PRDM5: variants seen among roughly 807,000 people sequenced by gnomAD.
PRDM5 encodes the protein PR/SET domain 5.
A neutral mutation model predicts 81.2 loss-of-function variants in PRDM5; 56 were observed. The observed-to-expected ratio is 0.69, with a 90% CI of 0.56 to 0.86. The LOEUF is 0.86. PRDM5 is among the 40% of genes least tolerant of loss of function. The pLI is 0.00. For synonymous variants in PRDM5, 267 were observed against 256.4 expected, an observed-to-expected ratio of 1.04 and a Z score of -0.39; for missense variants, 697 against 770.1, an observed-to-expected ratio of 0.91 and a Z score of 1.12.
chr4:120,875,107 T>G (rs1762212204), intron 2 of PRDM5, among the ~76,000 whole-genome samples: 1 of 152,224 alleles, frequency 6.6e-6, no homozygotes, highest in African/African-American at 2.4e-5. Flanking sequence ...TGGCCCTCCC[T>G]GATGAACTGG....
At chr4:120,775,743 T>C (rs1196896276) in intron 13 of PRDM5, among the ~76,000 whole-genome samples, 2 of 152,184 alleles carry the variant, frequency 1.3e-5, no homozygotes, top group African/African-American at 2.4e-5. Context: ...AGTCTAAGTA[T>C]GGCACAAAGA....
At chr4:120,875,259 T>A (rs1274562171) in intron 2 of PRDM5, among the ~76,000 whole-genome samples, 1 of 152,196 alleles carries the variant, frequency 6.6e-6, no homozygotes, top group Non-Finnish European at 1.5e-5. Flanking sequence ...CAAATACAGA[T>A]TAAAACAAAG....
At chr4:120,834,689 G>C (rs909043786) in intron 3 of PRDM5, among the ~76,000 whole-genome samples, 1 of 152,140 alleles carries the variant, frequency 6.6e-6, no homozygotes, top group African/African-American at 2.4e-5. Context: ...TATATCAGTA[G>C]AGTAGACTCA....
chr4:120,913,544 G>T (rs921251882), intron 1 of PRDM5, among the ~76,000 whole-genome samples: 1 of 152,166 alleles, frequency 6.6e-6, no homozygotes, highest in African/African-American at 2.4e-5. Context: ...AATACAAAAC[G>T]GAAATGCAGA....
chr4:120,735,048 A>C (rs1437061275), intron 14 of PRDM5, among the ~76,000 whole-genome samples: 1 of 152,210 alleles, frequency 6.6e-6, no homozygotes, highest in Non-Finnish European at 1.5e-5. Context: ...AAAGAGTTAC[A>C]ATTAGAAACA....
At position 120,754,629 on chromosome 4, in the gene PRDM5, G is replaced by A; in HGVS notation, c.1547C>T (p.Pro516Leu). ...VHIRSHTGER[P>L]YQCPYCEKGF... ...TTTTTCACAGTAAGGACATTGATAG[G>A]GACGCTCACCTACAAATAAAGGAAG... is the stretch of plus-strand genomic sequence containing the variant. Residue 516 changes from proline (P) to leucine (L), a missense_variant, in exon 14 of 16, where the codon CCC becomes CTC. Coordinates refer to ENST00000264808, the MANE Select transcript of PRDM5 (RefSeq NM_018699.4). 1 of 1,595,782 alleles carries A rather than the reference G, an allele frequency of 6.3e-7. No homozygotes were observed. Among genetic ancestry groups the A allele is most frequent in the Non-Finnish European group, 8.6e-7 (1 of 1,163,982 alleles).
chr4:120,737,539 T>C (rs1712212490), intron 14 of PRDM5, among the ~76,000 whole-genome samples: 1 of 152,182 alleles, frequency 6.6e-6, no homozygotes, highest in Non-Finnish European at 1.5e-5. Context: ...TTACTTAAAA[T>C]AATGTCCTTA....
chr4:120,884,446 T>A (rs1763185560), intron 2 of PRDM5, among the ~76,000 whole-genome samples: 2 of 152,122 alleles, frequency 1.3e-5, no homozygotes, highest in Non-Finnish European at 2.9e-5. Flanking sequence ...TTATAGTTCC[T>A]ACAACTAAAA....
intron 8 of PRDM5, among the ~76,000 whole-genome samples, chr4:120,801,520 A>C (rs905621141): frequency 6.6e-5 from 10 of 152,376 alleles, no homozygotes; most frequent in African/African-American, 2.4e-4. Context: ...TATGTAAAGC[A>C]GGGAAAAAGT....
chr4:120,814,897 T>C (rs1754290010), intron 7 of PRDM5, among the ~76,000 whole-genome samples: 1 of 152,192 alleles, frequency 6.6e-6, no homozygotes, highest in African/African-American at 2.4e-5. Flanking sequence ...AAAAAATATA[T>C]ATAAAACAAG....
rs202136445 is a variant in PRDM5, at chr4:120,900,838, T to G, written c.177+6636A>C. Among the ~76,000 whole-genome samples the G allele has an allele frequency of 3.1e-4, 47 of 152,332 alleles. No homozygotes were observed. The East Asian group carries it at 5.8e-3, about 19-fold the overall frequency. ...GGTATTTATTGCTTAAAAAAAAGTT[T>G]GTTTCACACAACAGGTAATGCCCAT... On this transcript the variant is annotated intron_variant, in intron 2 of 15. Coordinates refer to ENST00000264808, the MANE Select transcript of PRDM5 (RefSeq NM_018699.4).
intron 14 of PRDM5, among the ~76,000 whole-genome samples, chr4:120,721,357 C>A (rs1195944664): frequency 6.6e-6 from 1 of 152,166 alleles, no homozygotes; most frequent in Non-Finnish European, 1.5e-5. Flanking sequence ...CCTGATTTAA[C>A]TAGTTTGGGT....
intron 8 of PRDM5, among the ~76,000 whole-genome samples, chr4:120,806,801 T>C (rs1416800139): frequency 6.6e-6 from 1 of 152,170 alleles, no homozygotes; most frequent in Non-Finnish European, 1.5e-5. Flanking sequence ...AAGGACTTCA[T>C]CTCTAAAACA....
intron 15 of PRDM5, among the ~76,000 whole-genome samples, chr4:120,698,842 C>T (rs1734894373): frequency 6.6e-6 from 1 of 152,062 alleles, no homozygotes. Flanking sequence ...ATGAAGACAT[C>T]TAATCGTCTC....
chr4:120,845,650 G>T (rs1213192794), intron 3 of PRDM5, among the ~76,000 whole-genome samples: 1 of 152,202 alleles, frequency 6.6e-6, no homozygotes, highest in Admixed American at 6.5e-5. Context: ...GAAGATGAAT[G>T]TTTTAATTCC....
intron 1 of PRDM5, among the ~76,000 whole-genome samples, chr4:120,918,838 A>T (rs1724538584): frequency 6.6e-6 from 1 of 152,128 alleles, no homozygotes; most frequent in Non-Finnish European, 1.5e-5. Flanking sequence ...CTGTAAAATG[A>T]GGATGTGCCA....
Position 120,816,594 on chromosome 4 carries a change from G to A in PRDM5, c.744-20C>T, listed in dbSNP as rs183013957. 22 of 1,613,882 alleles carry A rather than the reference G, an allele frequency of 1.4e-5. No individual in the cohort carries two copies. Among genetic ancestry groups the A allele is most frequent in the Admixed American group, 1.0e-4 (6 of 59,972 alleles). ...TCAAAACTACAAGACAACCAGCAAA[G>A]CGGAACAGGAAGAAATGGTGAAGAC... On this transcript the variant is annotated intron_variant, in intron 6 of 15. Transcript: ENST00000264808.
At chr4:120,689,600 C>CTTTTTTTTTTTTTTTTTTTT (rs68162390), downstream of PRDM5, among the ~76,000 whole-genome samples, 1 of 143,978 alleles carries the variant, frequency 6.9e-6, no homozygotes, top group African/African-American at 2.6e-5. Context: ...TTTCAAAATT[C>CTTTTTTTTTTTTTTTTTTTT]TTTTTTTTTT....
At chr4:120,726,026 C>T (rs1218493747) in intron 14 of PRDM5, among the ~76,000 whole-genome samples, 9 of 152,080 alleles carry the variant, frequency 5.9e-5, no homozygotes, top group Admixed American at 6.6e-5. Context: ...TGCCCCACTG[C>T]GAAGAGTGGC....
Sources: gnomAD v4.1 joint callset for allele counts (sites outside exome capture counted in the v4.1 genomes callset) on GRCh38, gnomAD v4.1.1 for gene constraint, MANE v1.5 for transcripts, NCBI Gene and HGNC (gene_info 2026-07-23, HGNC 2026-07-21) for gene names.